RPP40: variants seen among roughly 807,000 people sequenced by gnomAD.
RPP40 encodes the protein ribonuclease P/MRP subunit p40.
In RPP40, 30 loss-of-function variants were observed where a neutral mutation model predicts 42.5. That is an observed-to-expected ratio of 0.71 (90% CI 0.53 to 0.96). The LOEUF is 0.96. Ranked by LOEUF, RPP40 falls within the 40% of genes least tolerant of loss-of-function variation. The probability of loss-of-function intolerance (pLI) is 0.00; values close to 1 mark genes in which losing one functional copy is unlikely to be tolerated. For missense variants in RPP40, 426 were observed against 433.5 expected (o/e 0.98, Z 0.15); for synonymous variants, 173 against 164.0 (o/e 1.05, Z -0.42).
chr6:5,002,300 G>C (rs1227494648), intron 1 of RPP40, 55 bp from the exon 2 acceptor site: 2 of 1,398,056 alleles, frequency 1.4e-6, no homozygotes, highest in Admixed American at 4.9e-5. Flanking sequence ...TGAACACCCA[G>C]GTTTTTAGGA....
downstream of RPP40, among the ~76,000 whole-genome samples, chr6:4,990,560 C>A (rs275256): frequency 3.3e-5 from 5 of 151,636 alleles, no homozygotes; most frequent in Admixed American, 6.6e-5. Context: ...CATTGCTCAC[C>A]GCAGCCTTCA....
chr6:4,997,639 C>G (rs886430351), intron 5 of RPP40, among the ~76,000 whole-genome samples: 9 of 151,858 alleles, frequency 5.9e-5, no homozygotes, highest in Admixed American at 5.9e-4. Flanking sequence ...CCTAATAAAT[C>G]TCCTCTCATC....
chr6:5,001,454 T>C (rs1431903093), intron 2 of RPP40, among the ~76,000 whole-genome samples: 3 of 152,156 alleles, frequency 2.0e-5, no homozygotes, highest in Non-Finnish European at 4.4e-5. Flanking sequence ...ATATCTTCAC[T>C]GGAGAGGACA....
At position 4,996,101 on chromosome 6, in the gene RPP40, TAA is replaced by T; in HGVS notation, c.759-18_759-17del. 6.2e-7 allele frequency: 1 copy of T among 1,613,020 alleles called. No homozygotes were observed. Among genetic ancestry groups the T allele is most frequent in the Non-Finnish European group, 8.5e-7 (1 of 1,179,416 alleles). ...CTCATTATTTCTGTCACCAAAAAAA[TAA>T]AAGAGAGAGAGATAACACATGTATA... On this transcript the variant is annotated splice_polypyrimidine_tract_variant and intron_variant, in intron 6 of 7. Transcript: ENST00000380051.
At position 5,003,966 on chromosome 6, in the gene RPP40, G is replaced by T. The variant is rs775731795; in HGVS notation, c.37C>A (p.His13Asn). 6.2e-7 allele frequency: 1 copy of T among 1,612,850 alleles called. No homozygotes were observed. The highest frequency in any genetic ancestry group is 1.7e-5 in the Admixed American group (1 of 59,994). ...TLRRLREAPR[H>N]LLVCEKSNFG... ...TTGGATTTCTCGCAAACCAGTAAGT[G>T]CCGCGGCGCCTCCCGAAGCCGGCGC... The change falls in exon 1 of 8, where the codon CAC (histidine) becomes AAC (asparagine). Residue 13 changes from histidine (H) to asparagine (N), a missense_variant. Transcript: ENST00000380051.
chr6:4,995,081 T>C lies in RPP40; in HGVS notation c.1089A>G (p.Pro363=). ...MAVGANDHCP[P] is the part of the protein sequence containing the mutation. The stretch of plus-strand genomic sequence containing the variant: ...CACGATTTTTAATTTTTATTTTTTA[T>C]GGTGGACAGTGATCATTTGCCCCAA... Residue 363 remains proline, a synonymous_variant, in exon 8 of 8, where the codon CCA becomes CCG. Coordinates refer to ENST00000380051, the MANE Select transcript of RPP40 (RefSeq NM_006638.4). 6.9e-6 allele frequency: 11 copies of C among 1,604,478 alleles called. No individual in the cohort carries two copies. In the South Asian group the frequency reaches 1.0e-4, roughly 15 times the overall value.
At position 5,003,958 on chromosome 6, in the gene RPP40, C is replaced by T. The variant is rs779209732; in HGVS notation, c.45G>A (p.Leu15=). The T allele has an allele frequency of 4.3e-6, 7 of 1,613,352 alleles. No individual in the cohort carries two copies. The highest frequency in any genetic ancestry group is 5.9e-6 in the Non-Finnish European group (7 of 1,179,702). The change falls in exon 1 of 8, where the codon CTG becomes CTA. Residue 15 remains leucine (L), a synonymous_variant. Coordinates refer to ENST00000380051, the MANE Select transcript of RPP40 (RefSeq NM_006638.4). ...RRLREAPRHL[L]VCEKSNFGNH... Reference sequence around the variant, plus strand: ...TGCCGAAGTTGGATTTCTCGCAAACCAGTAAGTGCCGCGGCGCCTCCCGAA... The same window carrying T: ...TGCCGAAGTTGGATTTCTCGCAAACTAGTAAGTGCCGCGGCGCCTCCCGAA...
chr6:5,001,408 C>T (rs1759554454), intron 2 of RPP40, among the ~76,000 whole-genome samples: 1 of 152,164 alleles, frequency 6.6e-6, no homozygotes, highest in African/African-American at 2.4e-5. Flanking sequence ...CCAGCAGTGT[C>T]AGAATGAGAG....
rs1423683444 is a variant in RPP40, at chr6:4,996,006, T to C, written c.838A>G (p.Thr280Ala). ...TCTGGAAGTATGAAGCCAGTGATTGTACACAAATAAGCTTTTGCCACCACT... is the reference window on the plus strand; with the variant it reads ...TCTGGAAGTATGAAGCCAGTGATTGCACACAAATAAGCTTTTGCCACCACT... ...STVVAKAYLC[T>A]ITGFILPEKI... The change falls in exon 7 of 8, where the codon ACA becomes GCA. Residue 280 changes from threonine to alanine, a missense_variant. Coordinates refer to ENST00000380051, the MANE Select transcript of RPP40 (RefSeq NM_006638.4). 6.2e-7 allele frequency: 1 copy of C among 1,614,096 alleles called. No homozygotes were observed. The highest frequency in any genetic ancestry group is 1.1e-5 in the South Asian group (1 of 91,082).
intron 4 of RPP40, 49 bp from the exon 5 acceptor site, chr6:4,998,890 T>C: frequency 8.6e-7 from 1 of 1,163,680 alleles, no homozygotes; most frequent in Non-Finnish European, 1.2e-6. Context: ...TACGTACAGC[T>C]TCTACCATGG....
intron 5 of RPP40, among the ~76,000 whole-genome samples, chr6:4,998,473 A>C (rs1461467528): frequency 6.6e-6 from 1 of 152,224 alleles, no homozygotes; most frequent in Non-Finnish European, 1.5e-5. Context: ...AGCCACTCTC[A>C]AGATCTCTGG....
downstream of RPP40, among the ~76,000 whole-genome samples, chr6:4,994,006 T>TAA (rs1349457126): frequency 2.6e-5 from 4 of 152,016 alleles, no homozygotes; most frequent in African/African-American, 9.7e-5. Flanking sequence ...GCAGATGCAC[T>TAA]AAGGCGGAAA....
rs374981562 is a variant in RPP40, at chr6:4,995,040, C to T, written c.*38G>A. On this transcript the variant is annotated 3_prime_UTR_variant, in exon 8 of 8. Transcript: ENST00000380051. ...TACCATTAAGAAATCTGAAAGCAAG[C>T]GTAAATGTAAGTAAACACGATTTTT... 55 of 1,535,086 alleles carry T rather than the reference C, an allele frequency of 3.6e-5. No homozygotes were observed. Among genetic ancestry groups the T allele is most frequent in the African/African-American group, 1.4e-4 (10 of 72,948 alleles).
rs1759318811 is a variant in RPP40, at chr6:4,994,813, T to C, written c.*265A>G. On this transcript the variant is annotated 3_prime_UTR_variant, in exon 8 of 8. Coordinates refer to ENST00000380051, the MANE Select transcript of RPP40 (RefSeq NM_006638.4). ...GATGGGGACCAATATCCCCGGTCCCTGGACATCCTGGCCCAGTGTACCACA... is the reference window on the plus strand; with the variant it reads ...GATGGGGACCAATATCCCCGGTCCCCGGACATCCTGGCCCAGTGTACCACA... 7.3e-6 allele frequency: 3 copies of C among 410,512 alleles called. No homozygotes were observed. The highest frequency in any genetic ancestry group is 3.9e-5 in the Admixed American group (1 of 25,578). The allele number at this position is 410,512 out of a possible 1,614,324, so 25.4% of individuals were successfully genotyped here.
chr6:4,998,678 C>CA (rs1234555274), intron 5 of RPP40, 38 bp downstream of exon 5: 2 of 1,406,652 alleles, frequency 1.4e-6, no homozygotes, highest in African/African-American at 3.0e-5. Context: ...CAATTACTTT[C>CA]AAAATCACTG....
intron 1 of RPP40, among the ~76,000 whole-genome samples, chr6:5,002,539 G>A (rs1001665895): frequency 1.3e-5 from 2 of 152,160 alleles, no homozygotes; most frequent in African/African-American, 2.4e-5. Context: ...TAGCAATGCT[G>A]TATATTTTAT....
intron 4 of RPP40, among the ~76,000 whole-genome samples, chr6:4,999,540 G>A (rs555753117): frequency 2.0e-5 from 3 of 152,042 alleles, no homozygotes; most frequent in South Asian, 2.1e-4. Context: ...CTCATGATCC[G>A]CCCGCCTTGG....
At chr6:4,992,716 C>A (rs1167412557), downstream of RPP40, among the ~76,000 whole-genome samples, 1 of 152,100 alleles carries the variant, frequency 6.6e-6, no homozygotes, top group Non-Finnish European at 1.5e-5. Flanking sequence ...TATTGATATG[C>A]TTAGGTTGAG....
rs762091492 is a variant in RPP40, at chr6:4,996,076, C to T, written c.768G>A (p.Glu256=). 1.2e-6 allele frequency: 2 copies of T among 1,613,432 alleles called. No homozygotes were observed. Among genetic ancestry groups the T allele is most frequent in the African/African-American group, 2.7e-5 (2 of 74,838 alleles). Residue 256 remains glutamate (E), a synonymous_variant, in exon 7 of 8, where the codon GAG becomes GAA. Transcript: ENST00000380051. ...AATAGGTTGATATGAAATTATTAGG[C>T]TCATTATTTCTGTCACCAAAAAAAT... is the stretch of plus-strand genomic sequence containing the variant. ...AVFSNVDLNN[E]PNNFISTYCC...
Sources: gnomAD v4.1 joint callset for allele counts (sites outside exome capture counted in the v4.1 genomes callset) on GRCh38, gnomAD v4.1.1 for gene constraint, MANE v1.5 for transcripts, NCBI Gene and HGNC (gene_info 2026-07-23, HGNC 2026-07-21) for gene names.